Variants in SAP130 observed in about 807,000 individuals in gnomAD.
SAP130 encodes Sin3A associated protein 130.
SAP130 carries 16 observed loss-of-function variants against 103.2 expected under a neutral mutation model. The ratio of observed to expected loss-of-function variants is 0.16; its 90% CI spans 0.10 to 0.24. The LOEUF (loss-of-function observed/expected upper bound fraction) is 0.24, where lower values mean the gene tolerates loss of function less well. Among genes scored for constraint, SAP130 ranks in the 10% least tolerant of loss-of-function variants. The pLI, the probability that SAP130 is intolerant of heterozygous loss-of-function variation, is 1.00. For synonymous variants in SAP130, 477 were observed against 497.0 expected (o/e 0.96, Z 0.53); for missense variants, 990 against 1,359.7 (o/e 0.73, Z 4.28).
chr2:128,022,158 T>A (rs1685203783), intron 2 of SAP130, among the ~76,000 whole-genome samples: 1 of 152,230 alleles, frequency 6.6e-6, no homozygotes, highest in African/African-American at 2.4e-5. Flanking sequence ...CTGCTTTCTG[T>A]CACTATGGCA....
intron 7 of SAP130, among the ~76,000 whole-genome samples, chr2:128,002,222 T>G (rs1240671483): frequency 6.6e-6 from 1 of 152,192 alleles, no homozygotes; most frequent in Non-Finnish European, 1.5e-5. Flanking sequence ...CGGCCAAAAC[T>G]TTTTAATTAA....
intron 19 of SAP130, among the ~76,000 whole-genome samples, chr2:127,943,804 G>C (rs1467982098): frequency 6.6e-6 from 1 of 152,192 alleles, no homozygotes; most frequent in African/African-American, 2.4e-5. Flanking sequence ...GGCTTTATAA[G>C]CACTGTGCCC....
At position 127,955,563 on chromosome 2, in the gene SAP130, C is replaced by T. The variant is rs1241445032; in HGVS notation, c.2064-219G>A. On this transcript the variant is annotated intron_variant, in intron 15 of 20. Transcript: ENST00000643581. The surrounding 1 kb of genome is among the most constrained non-coding windows in gnomAD (Gnocchi z 4.9). ...GTGAAGTGGCGTGATCTTGGCTCACCGCAACCTCTGTCTTCTGGGCTCGAG... is the reference window on the plus strand; with the variant it reads ...GTGAAGTGGCGTGATCTTGGCTCACTGCAACCTCTGTCTTCTGGGCTCGAG... Among the ~76,000 whole-genome samples, 3 of 152,162 alleles carry T rather than the reference C, an allele frequency of 2.0e-5. No individual in the cohort carries two copies. The highest frequency in any genetic ancestry group is 3.4e-3 in the Middle Eastern group (1 of 294).
chr2:128,017,550 G>T, intron 3 of SAP130, 130 bp downstream of exon 3: 1 of 770,084 alleles, frequency 1.3e-6, no homozygotes, highest in Non-Finnish European at 2.1e-6. Flanking sequence ...GAAAGGAGCT[G>T]AACTCATATG....
At chr2:128,003,125 CA>C (rs953323031) in intron 7 of SAP130, among the ~76,000 whole-genome samples, 68 of 137,298 alleles carry the variant, frequency 5.0e-4, no homozygotes, top group Admixed American at 5.1e-4. Flanking sequence ...GAGAGGGTCT[CA>C]AAAAAAAAAA....
chr2:127,993,841 G>A (rs758191706), intron 11 of SAP130, among the ~76,000 whole-genome samples: 6 of 152,104 alleles, frequency 3.9e-5, no homozygotes, highest in Admixed American at 2.0e-4. Flanking sequence ...CTATAACCTT[G>A]AACTCCTAGG....
At chr2:127,943,704 T>A (rs1432036589) in intron 19 of SAP130, among the ~76,000 whole-genome samples, 1 of 152,222 alleles carries the variant, frequency 6.6e-6, no homozygotes. Flanking sequence ...ATGAATGCAG[T>A]CTACCAGGAC....
At chr2:127,990,641 C>T (rs1183085477) in intron 12 of SAP130, among the ~76,000 whole-genome samples, 1 of 152,018 alleles carries the variant, frequency 6.6e-6, no homozygotes, top group African/African-American at 2.4e-5. Flanking sequence ...CCAGTGGCTA[C>T]AATAAAAAAG....
chr2:127,972,495 C>A (rs745945823), intron 15 of SAP130, among the ~76,000 whole-genome samples: 6 of 152,058 alleles, frequency 3.9e-5, no homozygotes, highest in Non-Finnish European at 7.4e-5. Flanking sequence ...TGGTGGCTCA[C>A]CCCTGTAATC....
chr2:128,015,813 C>T (rs1684730692), intron 4 of SAP130, among the ~76,000 whole-genome samples: 2 of 151,860 alleles, frequency 1.3e-5, no homozygotes, highest in African/African-American at 2.4e-5. Context: ...TGGTGGTGCC[C>T]GCTTGTAATC....
rs1195484446 is a variant in SAP130 at position 127,953,606 on chromosome 2, C to T, written c.2422+1380G>A. 1.3e-5 allele frequency among the ~76,000 whole-genome samples: 2 copies of T among 152,250 alleles called. No individual in the cohort carries two copies. Among genetic ancestry groups the T allele is most frequent in the Non-Finnish European group, 2.9e-5 (2 of 67,994 alleles). On this transcript the variant is annotated intron_variant, in intron 16 of 20. Transcript: ENST00000643581. This position sits in a 1 kb window ranked among gnomAD's most constrained non-coding sequence, Gnocchi z 4.0. Reference sequence around the variant, plus strand: ...CTGCCACTCCCCTTATTACTTAGCTCCAGCGACCTTTGGTTCTTTGCTATA... The same window carrying T: ...CTGCCACTCCCCTTATTACTTAGCTTCAGCGACCTTTGGTTCTTTGCTATA...
chr2:127,959,961 G>A (rs1304393028), intron 15 of SAP130, among the ~76,000 whole-genome samples: 1 of 152,148 alleles, frequency 6.6e-6, no homozygotes, highest in African/African-American at 2.4e-5. Flanking sequence ...CATGATCATT[G>A]AGCACTACAG....
At position 128,010,365 on chromosome 2, in the gene SAP130, G is replaced by T; in HGVS notation, c.773C>A (p.Ala258Asp). 6.2e-7 allele frequency: 1 copy of T among 1,613,894 alleles called. No individual in the cohort carries two copies. Among genetic ancestry groups the T allele is most frequent in the East Asian group, 2.2e-5 (1 of 44,882 alleles). ...AGTTGCTACCACAGCAGGAGGGATG[G>T]CATTGGAGGTGGTCACAGGTGGCCG... is the stretch of plus-strand genomic sequence containing the variant. Reference protein sequence around the residue: ...QSRPPVTTSNAIPPAVVATVS... With the variant: ...QSRPPVTTSNDIPPAVVATVS... Residue 258 changes from alanine (A) to aspartate (D), a missense_variant, in exon 7 of 21, where the codon GCC (alanine) becomes GAC (aspartate). By Grantham distance (126) the Ala-to-Asp change is moderately radical (BLOSUM62 -2). Around this residue, in one of 6 missense-constraint regions of SAP130, gnomAD observed 336 missense variants for 520.1 expected, o/e 0.65. Transcript: ENST00000643581.
At chr2:127,950,017 C>T (rs1679383110) in intron 17 of SAP130, 23 bp from the exon 18 acceptor site, 1 of 1,613,438 alleles carries the variant, frequency 6.2e-7, no homozygotes. Flanking sequence ...AGACATTAAA[C>T]AACTTAGTAA....
At chr2:128,023,573 A>G (rs963799469) in intron 2 of SAP130, among the ~76,000 whole-genome samples, 1 of 152,138 alleles carries the variant, frequency 6.6e-6, no homozygotes, top group Non-Finnish European at 1.5e-5. Flanking sequence ...AGGTCAGGAG[A>G]TCGAGACTAT....
chr2:128,006,664 C>A (rs554149437), intron 7 of SAP130, among the ~76,000 whole-genome samples: 1 of 152,280 alleles, frequency 6.6e-6, no homozygotes, highest in South Asian at 2.1e-4. Flanking sequence ...TGCCCGTAGT[C>A]CCAGCTTTGG....
intron 15 of SAP130, among the ~76,000 whole-genome samples, chr2:127,960,539 C>T (rs1680167163): frequency 1.3e-5 from 2 of 152,290 alleles, no homozygotes; most frequent in Middle Eastern, 3.4e-3. Context: ...TGTAGTACTA[C>T]ATAACTTAAA....
intron 15 of SAP130, among the ~76,000 whole-genome samples, chr2:127,960,399 G>C (rs191355496): frequency 1.4e-4 from 22 of 152,240 alleles, no homozygotes; most frequent in Non-Finnish European, 2.4e-4. Context: ...GGAGGGATAT[G>C]ATCAAGAAAA....
chr2:128,012,267 C>T (rs756299238), intron 6 of SAP130, among the ~76,000 whole-genome samples: 4 of 152,112 alleles, frequency 2.6e-5, no homozygotes, highest in Non-Finnish European at 5.9e-5. Context: ...GTCAGGAGTT[C>T]GAGACCAGCC....
Sources: allele counts gnomAD v4.1 joint callset (sites outside exome capture counted in the v4.1 genomes callset), GRCh38; gene constraint gnomAD v4.1.1; regional missense constraint gnomAD v4.1.1; non-coding constraint Gnocchi (gnomAD v3.1); transcripts MANE v1.5; gene names NCBI Gene and HGNC (gene_info 2026-07-23, HGNC 2026-07-21).